The following C6orf89 variants were observed in gnomAD, a reference collection of about 807,000 sequenced individuals.
The protein encoded by C6orf89 is chromosome 6 open reading frame 89.
In C6orf89, 29 loss-of-function variants were observed where a neutral mutation model predicts 40.7. The ratio of observed to expected loss-of-function variants is 0.71; its 90% CI spans 0.53 to 0.97. C6orf89 has a LOEUF of 0.97. Among genes scored for constraint, C6orf89 ranks in the 50% least tolerant of loss-of-function variants. C6orf89 has a pLI of 0.00. For missense variants in C6orf89, 392 were observed against 429.1 expected (o/e 0.91, Z 0.76); for synonymous variants, 165 against 152.2 (o/e 1.08, Z -0.62).
chr6:36,883,632 C>T (rs115198067), upstream of C6orf89, among the ~76,000 whole-genome samples: 542 of 151,912 alleles, frequency 3.6e-3, 1 homozygote, highest in Non-Finnish European at 5.5e-3. Flanking sequence ...AGGTAACAAA[C>T]TTTAGTGGTA....
At chr6:36,884,372 AGGT>A (rs1260094165), upstream of C6orf89, among the ~76,000 whole-genome samples, 4 of 152,216 alleles carry the variant, frequency 2.6e-5, no homozygotes, top group East Asian at 7.7e-4. This position sits in a 1 kb window ranked among gnomAD's most constrained non-coding sequence, Gnocchi z 4.0. Flanking sequence ...ATTTAATTTT[AGGT>A]GGTTTGGCTT....
intron 4 of C6orf89, among the ~76,000 whole-genome samples, chr6:36,913,580 G>A (rs906603507): frequency 6.6e-6 from 1 of 152,192 alleles, no homozygotes; most frequent in African/African-American, 2.4e-5. Context: ...CAGCCCCCCT[G>A]TGCTGTAGAC....
chr6:36,878,992 GT>G (rs1277316708), intron 1 of C6orf89: 2 of 152,250 alleles, frequency 1.3e-5, no homozygotes, highest in Non-Finnish European at 2.9e-5. Flanking sequence ...TTCAGCCAAA[GT>G]TTTTCTTTTA....
intron 4 of C6orf89, among the ~76,000 whole-genome samples, chr6:36,911,490 C>CAA (rs565398766): frequency 1.3e-5 from 2 of 150,732 alleles, no homozygotes; most frequent in African/African-American, 4.9e-5. Flanking sequence ...ACTCCATCTC[C>CAA]AAAAAAAATA....
In C6orf89 at chr6:36,923,928, G is replaced by A. The variant is rs570883001; in HGVS notation, c.*487G>A. On this transcript the variant is annotated 3_prime_UTR_variant, in exon 9 of 9. Transcript: ENST00000480824. ...GCCATGGCTGATTAAAGAAGTTCTT[G>A]TAGTTTCCCAAGCAAAGTGGAATCT... 22 of 206,010 alleles carry A rather than the reference G, an allele frequency of 1.1e-4. No individual in the cohort carries two copies. In the South Asian group the frequency reaches 1.6e-3, roughly 15 times the overall value. 12.8% of individuals were successfully genotyped at this position (206,010 alleles called of 1,614,324 possible). A position where few individuals can be genotyped will look rare whatever the true frequency, so the allele number is the denominator to read the frequency against.
chr6:36,876,491 G>A (rs1011075544), intron 1 of C6orf89, among the ~76,000 whole-genome samples: 11 of 152,094 alleles, frequency 7.2e-5, no homozygotes, highest in African/African-American at 1.2e-4. Flanking sequence ...TTCGGAGGCC[G>A]AGGCGGGCAG....
Position 36,886,044 on chromosome 6 carries a change from C to A in C6orf89, c.-120+16C>A. 1 of 1,248,842 alleles carries A rather than the reference C, an allele frequency of 8.0e-7. No homozygotes were observed. The highest frequency in any genetic ancestry group is 3.1e-5 in the South Asian group (1 of 31,890). 77.4% of individuals were successfully genotyped at this position (1,248,842 alleles called of 1,614,324 possible). A position where few individuals can be genotyped will look rare whatever the true frequency, so the allele number is the denominator to read the frequency against. ...AGCCCCGCATGTGAGTGACTGGGGC[C>A]CGAGGCTGGGTGGGGGGAGGCCGCC... On this transcript the variant is annotated intron_variant, in intron 1 of 8. Transcript: ENST00000480824.
At chr6:36,875,269 C>T (rs540121126) in intron 1 of C6orf89, among the ~76,000 whole-genome samples, 1 of 152,254 alleles carries the variant, frequency 6.6e-6, no homozygotes, top group African/African-American at 2.4e-5. Flanking sequence ...TCATCTACTC[C>T]ACAAAACAAT....
chr6:36,900,167 G>A (rs544135681), intron 3 of C6orf89, among the ~76,000 whole-genome samples: 78 of 148,014 alleles, frequency 5.3e-4, no homozygotes, highest in African/African-American at 1.2e-3. Flanking sequence ...GATTATAGGC[G>A]TGAGCCACCA....
At chr6:36,873,337 T>G (rs1236347152) in intron 1 of C6orf89, among the ~76,000 whole-genome samples, 1 of 152,182 alleles carries the variant, frequency 6.6e-6, no homozygotes, top group Non-Finnish European at 1.5e-5. Context: ...GTCCTTGAAA[T>G]AGGAAATGCC....
At chr6:36,887,980 C>CGGGA (rs1775058461) in intron 1 of C6orf89, among the ~76,000 whole-genome samples, 1 of 152,206 alleles carries the variant, frequency 6.6e-6, no homozygotes, top group African/African-American at 2.4e-5. Context: ...CCACCTCAGC[C>CGGGA]TCCCAGTGTT....
In C6orf89 at chr6:36,886,022, C is replaced by T; in HGVS notation, c.-126C>T. On this transcript the variant is annotated 5_prime_UTR_variant, in exon 1 of 9. Coordinates refer to ENST00000480824, the MANE Select transcript of C6orf89 (RefSeq NM_001286635.2). The stretch of plus-strand genomic sequence containing the variant: ...CGGGAGGAGCCCGAGGGGCGCGAGC[C>T]CCGCATGTGAGTGACTGGGGCCCGA... 2 of 1,257,654 alleles carry T rather than the reference C, an allele frequency of 1.6e-6. No individual in the cohort carries two copies. The highest frequency in any genetic ancestry group is 2.0e-6 in the Non-Finnish European group (2 of 998,186). 77.9% of individuals were successfully genotyped at this position (1,257,654 alleles called of 1,614,324 possible).
In C6orf89 at chr6:36,926,106, G is replaced by A. The variant is rs969810462; in HGVS notation, c.*2665G>A. ...GAGGAGACAGGCTACTTTGGCCCCA[G>A]TTTGAAGCATTCTGTCCAAATGTCC... On this transcript the variant is annotated 3_prime_UTR_variant, in exon 9 of 9. Coordinates refer to ENST00000480824, the MANE Select transcript of C6orf89 (RefSeq NM_001286635.2). The A allele has an allele frequency of 6.6e-6, 1 of 152,256 alleles. No individual in the cohort carries two copies. The highest frequency in any genetic ancestry group is 2.4e-5 in the African/African-American group (1 of 41,460). 9.4% of individuals were successfully genotyped at this position (152,256 alleles called of 1,614,324 possible). A position where few individuals can be genotyped will look rare whatever the true frequency, so the allele number is the denominator to read the frequency against.
Position 36,911,938 on chromosome 6 carries a change from C to CT in C6orf89, c.404-2346_404-2345insT, listed in dbSNP as rs58216363. 2.2e-3 allele frequency among the ~76,000 whole-genome samples: 320 copies of CT among 147,794 alleles called. 7 individuals carry two copies. The highest frequency in any genetic ancestry group is 7.5e-3 in the African/African-American group (303 of 40,398). On this transcript the variant is annotated intron_variant, in intron 4 of 8. Coordinates refer to ENST00000480824, the MANE Select transcript of C6orf89 (RefSeq NM_001286635.2). ...ACTTCTCATCACAGTGAACCCCCCC[C>CT]CCCCGACCTTTTCCCTAAAAAAGGG...
At chr6:36,877,279 G>A (rs969153172) in intron 1 of C6orf89, among the ~76,000 whole-genome samples, 1 of 152,176 alleles carries the variant, frequency 6.6e-6, no homozygotes, top group African/African-American at 2.4e-5. Flanking sequence ...TGTGTCATAG[G>A]TAACATGTAT....
chr6:36,901,935 T>A (rs2150695115), intron 3 of C6orf89, among the ~76,000 whole-genome samples: 1 of 152,334 alleles, frequency 6.6e-6, no homozygotes, highest in Admixed American at 6.5e-5. Context: ...CCTCCCAAAG[T>A]GCTGGGATTA....
intron 8 of C6orf89, among the ~76,000 whole-genome samples, chr6:36,920,007 T>G (rs955872017): frequency 2.6e-5 from 4 of 152,094 alleles, no homozygotes; most frequent in African/African-American, 9.7e-5. Flanking sequence ...GATGAAAAGG[T>G]TGAGACCCAG....
chr6:36,875,032 C>T, intron 1 of C6orf89: 1 of 491,052 alleles, frequency 2.0e-6, no homozygotes, highest in East Asian at 3.8e-5. Flanking sequence ...CCGCGCCACT[C>T]TGGGCGATCT....
intron 4 of C6orf89, among the ~76,000 whole-genome samples, chr6:36,903,620 C>G (rs372637892): frequency 1.3e-5 from 2 of 151,972 alleles, no homozygotes; most frequent in Non-Finnish European, 2.9e-5. Flanking sequence ...CCACCACGCC[C>G]GGCTAATTTT....
Sources: allele counts gnomAD v4.1 joint callset (sites outside exome capture counted in the v4.1 genomes callset), GRCh38; gene constraint gnomAD v4.1.1; non-coding constraint Gnocchi (gnomAD v3.1); transcripts MANE v1.5; gene names NCBI Gene and HGNC (gene_info 2026-07-23, HGNC 2026-07-21).